PRELID2: variants seen among roughly 807,000 people sequenced by gnomAD.
PRELID2 encodes PRELI domain containing 2.
Under a neutral mutation model 28.4 loss-of-function variants are expected in PRELID2, and 25 were observed. The ratio of observed to expected loss-of-function variants is 0.88; its 90% CI spans 0.64 to 1.23. The LOEUF (loss-of-function observed/expected upper bound fraction) is 1.23. Among genes scored for constraint, PRELID2 ranks in the 50% most tolerant of loss-of-function variants. The pLI is 0.00. For synonymous variants in PRELID2, 76 were observed against 71.6 expected, an observed-to-expected ratio of 1.06 and a Z score of -0.31; for missense variants, 201 against 214.4, an observed-to-expected ratio of 0.94 and a Z score of 0.39.
chr5:145,814,112 G>A (rs971229944), intron 4 of PRELID2, among the ~76,000 whole-genome samples: 2 of 152,052 alleles, frequency 1.3e-5, no homozygotes, highest in Non-Finnish European at 2.9e-5. Flanking sequence ...TCTAGAATCA[G>A]AATGACTATT....
At chr5:145,434,586 G>A in the PRELID2 span, among the ~76,000 whole-genome samples, 2 of 152,146 alleles carry the variant, frequency 1.3e-5, no homozygotes, top group Admixed American at 6.5e-5. Flanking sequence ...ACCAGGTCTA[G>A]AGAAAAGAGG....
chr5:145,372,055 A>G, the PRELID2 span, among the ~76,000 whole-genome samples: 1 of 151,906 alleles, frequency 6.6e-6, no homozygotes, highest in South Asian at 2.1e-4. Flanking sequence ...CCAATTAGAG[A>G]TCTTTCCAGT....
the PRELID2 span, among the ~76,000 whole-genome samples, chr5:145,432,523 A>C: frequency 3.3e-5 from 5 of 152,044 alleles, no homozygotes; most frequent in Non-Finnish European, 7.4e-5. Context: ...TCCTAATTTC[A>C]AGAAATTCAA....
the PRELID2 span, among the ~76,000 whole-genome samples, chr5:145,306,042 A>G: frequency 2.6e-5 from 4 of 152,216 alleles, no homozygotes; most frequent in Non-Finnish European, 5.9e-5. Context: ...AGACTCTTGC[A>G]CGACAAACTA....
chr5:145,265,097 C>A, the PRELID2 span, among the ~76,000 whole-genome samples: 272 of 149,660 alleles, frequency 1.8e-3, no homozygotes, highest in African/African-American at 6.3e-3. Context: ...GGTAAATTAA[C>A]TCAGCAAAAT....
At chr5:145,551,966 C>T (rs1752839907) in intron 1 of PRELID2, among the ~76,000 whole-genome samples, 1 of 152,156 alleles carries the variant, frequency 6.6e-6, no homozygotes, top group Admixed American at 6.5e-5. Context: ...CTTCTGTCTC[C>T]CCATGGACTG....
At chr5:145,265,887 A>G in the PRELID2 span, among the ~76,000 whole-genome samples, 1 of 152,206 alleles carries the variant, frequency 6.6e-6, no homozygotes, top group Non-Finnish European at 1.5e-5. Flanking sequence ...AATCCCTTCT[A>G]GACATTGATT....
intron 1 of PRELID2, among the ~76,000 whole-genome samples, chr5:145,653,848 C>G (rs1299437290): frequency 6.6e-6 from 1 of 152,036 alleles, no homozygotes; most frequent in East Asian, 1.9e-4. Flanking sequence ...ATTAGAGAAG[C>G]AAGAGCAAAC....
chr5:145,704,635 T>A (rs1426769549), intron 1 of PRELID2, among the ~76,000 whole-genome samples: 5 of 152,198 alleles, frequency 3.3e-5, no homozygotes, highest in Admixed American at 6.5e-5. Flanking sequence ...TGTCCCCCAG[T>A]GTATAGAGGA....
At chr5:145,585,009 A>C (rs958464801) in intron 1 of PRELID2, among the ~76,000 whole-genome samples, 8 of 152,204 alleles carry the variant, frequency 5.3e-5, no homozygotes, top group African/African-American at 1.9e-4. Context: ...AGCACTATTC[A>C]CAATAGAAAA....
At chr5:145,431,016 T>G in the PRELID2 span, among the ~76,000 whole-genome samples, 1,720 of 145,512 alleles carry the variant, frequency 0.012, 74 homozygotes, top group African/African-American at 0.042. Context: ...GTTTTTTTTT[T>G]TTTTTTTTTT....
At chr5:145,698,551 T>G (rs967363498) in intron 1 of PRELID2, among the ~76,000 whole-genome samples, 6 of 152,312 alleles carry the variant, frequency 3.9e-5, no homozygotes, top group Non-Finnish European at 5.9e-5. Flanking sequence ...AATTTATGTC[T>G]GTTAAGGGCC....
At chr5:145,701,664 G>C (rs191385671) in intron 1 of PRELID2, among the ~76,000 whole-genome samples, 45 of 152,264 alleles carry the variant, frequency 3.0e-4, no homozygotes, top group Non-Finnish European at 4.4e-5. Flanking sequence ...ATCAATAAAT[G>C]ACCTGTAAAT....
intron 1 of PRELID2, among the ~76,000 whole-genome samples, chr5:145,603,292 G>GA (rs538332612): frequency 1.8e-3 from 248 of 136,694 alleles, no homozygotes; most frequent in Middle Eastern, 7.7e-3. Flanking sequence ...AGAGCAGCTA[G>GA]AAAAAAAAAA....
intron 1 of PRELID2, among the ~76,000 whole-genome samples, chr5:145,600,434 A>ATATATATATATATAT (rs1554078383): frequency 8.3e-6 from 1 of 120,094 alleles, no homozygotes; most frequent in African/African-American, 4.1e-5. Flanking sequence ...AAAAAAAAAA[A>ATATATATATATATAT]ATATATATAT....
the PRELID2 span, among the ~76,000 whole-genome samples, chr5:145,437,929 A>T: frequency 6.6e-6 from 1 of 152,134 alleles, no homozygotes; most frequent in Admixed American, 6.6e-5. Context: ...TTAGCTCTGA[A>T]AATGCTTCTT....
rs886198087 is a variant in PRELID2, at chr5:145,556,135, G to A, written n.71-82820C>T. ...GGAAGTTGCAGTGAGCCAAGATCAC[G>A]CCACTGCACTCCAGCCTGAGCAACA... On this transcript the variant is annotated intron_variant and non_coding_transcript_variant, in intron 1 of 2. Coordinates refer to the PRELID2 transcript ENST00000510259. 3.5e-5 allele frequency among the ~76,000 whole-genome samples: 5 copies of A among 142,314 alleles called. No homozygotes were observed. In the East Asian group the frequency reaches 8.2e-4, roughly 23 times the overall value. The allele number at this position is 142,314 out of a possible 152,430, so 93.4% of individuals were successfully genotyped here.
chr5:145,431,767 G>A, the PRELID2 span, among the ~76,000 whole-genome samples: 3 of 152,166 alleles, frequency 2.0e-5, no homozygotes, highest in Non-Finnish European at 2.9e-5. Flanking sequence ...AGGGACTAAA[G>A]AGATAAGACA....
intron 4 of PRELID2, among the ~76,000 whole-genome samples, chr5:145,810,932 A>G (rs966627253): frequency 1.3e-5 from 2 of 152,032 alleles, no homozygotes; most frequent in African/African-American, 2.4e-5. Context: ...CAGAGGTTGT[A>G]TTAGTCCATT....
Sources: allele counts gnomAD v4.1 joint callset (sites outside exome capture counted in the v4.1 genomes callset), GRCh38; gene constraint gnomAD v4.1.1; transcripts MANE v1.5; gene names NCBI Gene and HGNC (gene_info 2026-07-23, HGNC 2026-07-21).